NRG3: variants seen among roughly 807,000 people sequenced by gnomAD.
NRG3 encodes neuregulin 3.
Under a neutral mutation model 66.9 loss-of-function variants are expected in NRG3, and 31 were observed. That is an observed-to-expected ratio of 0.46 (90% CI 0.35 to 0.63). NRG3 has a LOEUF of 0.63. Ranked by LOEUF, NRG3 falls within the 20% of genes least tolerant of loss-of-function variation. The pLI, the probability that NRG3 is intolerant of heterozygous loss-of-function variation, is 0.00. For missense variants in NRG3, 910 were observed against 878.9 expected (o/e 1.04, Z -0.45); for synonymous variants, 393 against 359.4 (o/e 1.09, Z -1.06).
intron 2 of NRG3, among the ~76,000 whole-genome samples, chr10:82,670,723 G>GA (rs1029414883): frequency 5.9e-5 from 9 of 151,428 alleles, no homozygotes; most frequent in African/African-American, 9.7e-5. Context: ...CTCTCTTCAA[G>GA]AAAAAAAACA....
chr10:82,886,114 C>T (rs562710735), intron 4 of NRG3, among the ~76,000 whole-genome samples: 2 of 152,310 alleles, frequency 1.3e-5, no homozygotes, highest in Non-Finnish European at 1.5e-5. Flanking sequence ...GATCCACCCA[C>T]CTCAGCCTCC....
At chr10:82,694,878 T>C (rs988851140) in intron 2 of NRG3, among the ~76,000 whole-genome samples, 2 of 152,212 alleles carry the variant, frequency 1.3e-5, no homozygotes, top group Admixed American at 6.5e-5. Context: ...TACAACCTCA[T>C]TGAACATGAT....
chr10:82,557,858 A>C (rs1337000623), intron 2 of NRG3, among the ~76,000 whole-genome samples: 1 of 152,186 alleles, frequency 6.6e-6, no homozygotes, highest in Admixed American at 6.5e-5. Context: ...CCCAAGGTCA[A>C]AAGGCTGGGA....
At chr10:82,707,846 TAA>T (rs373670610) in intron 2 of NRG3, among the ~76,000 whole-genome samples, 2 of 82,652 alleles carry the variant, frequency 2.4e-5, no homozygotes, top group African/African-American at 5.0e-5. Context: ...TCATCTCTAC[TAA>T]AAAAAAAAAA....
chr10:82,249,175 GT>G (rs2077375872), intron 1 of NRG3, among the ~76,000 whole-genome samples: 1 of 152,142 alleles, frequency 6.6e-6, no homozygotes. Context: ...TTATGTACAT[GT>G]TGTTATCTTT....
At chr10:81,898,004 A>G (rs1843679921) in intron 1 of NRG3, among the ~76,000 whole-genome samples, 1 of 152,162 alleles carries the variant, frequency 6.6e-6, no homozygotes, top group East Asian at 1.9e-4. Flanking sequence ...TCTCTTTTTT[A>G]GAGGGAAGGG....
In NRG3 at chr10:82,658,047, TAAGGTCAAGCATTACCTTGATTCC is replaced by T; in HGVS notation, c.954-80527_954-80504del. Among the ~76,000 whole-genome samples, 4 of 152,248 alleles carry T rather than the reference TAAGGTCAAGCATTACCTTGATTCC, an allele frequency of 2.6e-5. No homozygotes were observed. In the East Asian group the frequency reaches 5.8e-4, roughly 22 times the overall value. ...GAAGGAAATATTATCTAACTAATTC[TAAGGTCAAGCATTACCTTGATTCC>T]AAAACCAGACAAAGACTTTACAAGA... On this transcript the variant is annotated intron_variant, in intron 2 of 8. Coordinates refer to ENST00000372141, the MANE Select transcript of NRG3 (RefSeq NM_001010848.4).
At chr10:81,880,145 C>T (rs1842048351) in intron 1 of NRG3, among the ~76,000 whole-genome samples, 1 of 152,034 alleles carries the variant, frequency 6.6e-6, no homozygotes, top group Admixed American at 6.6e-5. Flanking sequence ...CTGTTACACA[C>T]TTATGTTGCA....
intron 1 of NRG3, among the ~76,000 whole-genome samples, chr10:82,185,201 A>G (rs902139587): frequency 2.0e-5 from 3 of 152,142 alleles, no homozygotes; most frequent in Non-Finnish European, 4.4e-5. Flanking sequence ...GAGTAATGAA[A>G]GGAAACAAAA....
chr10:82,922,128 G>C (rs962439600), intron 4 of NRG3, among the ~76,000 whole-genome samples: 2 of 151,902 alleles, frequency 1.3e-5, no homozygotes, highest in Non-Finnish European at 2.9e-5. Context: ...TATAGAGACT[G>C]GGGGGAAGAG....
intron 2 of NRG3, among the ~76,000 whole-genome samples, chr10:82,424,896 C>A (rs974738167): frequency 1.3e-5 from 2 of 151,840 alleles, no homozygotes; most frequent in Non-Finnish European, 2.9e-5. Flanking sequence ...AAAAAAAATT[C>A]TTTCCTCCAC....
rs188357270 is a variant in NRG3 at position 82,206,762 on chromosome 10, T to C, written c.824-151977T>C. Among the ~76,000 whole-genome samples the C allele has an allele frequency of 2.3e-3, 351 of 152,314 alleles. 2 individuals carry two copies. The highest frequency in any genetic ancestry group is 3.7e-3 in the South Asian group (18 of 4,830). Reference sequence around the variant, plus strand: ...TAGTTTTCTCTATTTAGTAATTCTATGTTTCTTCTTTATCAGGATATTCCT... The same window carrying C: ...TAGTTTTCTCTATTTAGTAATTCTACGTTTCTTCTTTATCAGGATATTCCT... On this transcript the variant is annotated intron_variant, in intron 1 of 8. Coordinates refer to ENST00000372141, the MANE Select transcript of NRG3 (RefSeq NM_001010848.4).
intron 2 of NRG3, among the ~76,000 whole-genome samples, chr10:82,578,637 T>A (rs1417104785): frequency 1.3e-5 from 2 of 151,544 alleles, no homozygotes; most frequent in Non-Finnish European, 3.0e-5. Flanking sequence ...ACAAACCAAG[T>A]CTATTGCATT....
chr10:82,517,653 G>C (rs1213919143), intron 2 of NRG3, among the ~76,000 whole-genome samples: 3 of 127,142 alleles, frequency 2.4e-5, no homozygotes, highest in African/African-American at 3.7e-5. Context: ...GTTTGTGTGT[G>C]TGTGTGTGTG....
At chr10:82,535,730 T>G (rs2132692548) in intron 2 of NRG3, among the ~76,000 whole-genome samples, 1 of 152,288 alleles carries the variant, frequency 6.6e-6, no homozygotes, top group South Asian at 2.1e-4. Flanking sequence ...AATGCTTAAA[T>G]GTCTTAAACA....
chr10:82,325,036 T>C (rs946090140), intron 1 of NRG3, among the ~76,000 whole-genome samples: 1 of 152,228 alleles, frequency 6.6e-6, no homozygotes, highest in Non-Finnish European at 1.5e-5. Flanking sequence ...GATTTGTCCA[T>C]TTCTCCCTTG....
intron 2 of NRG3, among the ~76,000 whole-genome samples, chr10:82,412,651 T>C (rs1297842638): frequency 1.3e-5 from 2 of 152,150 alleles, no homozygotes; most frequent in African/African-American, 4.8e-5. Flanking sequence ...ACAAAATATT[T>C]CTCTGTAGCA....
chr10:82,879,533 C>T (rs1842116702), intron 4 of NRG3, among the ~76,000 whole-genome samples: 3 of 140,234 alleles, frequency 2.1e-5, no homozygotes, highest in South Asian at 2.3e-4. Context: ...AGTGCAGTGG[C>T]GCGATCTCGG....
chr10:82,377,453 T>C (rs1465471419), intron 2 of NRG3, among the ~76,000 whole-genome samples: 8 of 127,364 alleles, frequency 6.3e-5, no homozygotes, highest in Non-Finnish European at 9.2e-5. Context: ...TGTGTGTGTG[T>C]GTGTGCGCGA....
Sources: gnomAD v4.1 joint callset for allele counts (sites outside exome capture counted in the v4.1 genomes callset) on GRCh38, gnomAD v4.1.1 for gene constraint, MANE v1.5 for transcripts, NCBI Gene and HGNC (gene_info 2026-07-23, HGNC 2026-07-21) for gene names.